Variants in RNF20 observed in about 807,000 individuals in gnomAD.
The protein encoded by RNF20 is ring finger protein 20.
Under a neutral mutation model 126.2 loss-of-function variants are expected in RNF20, and 84 were observed. The observed-to-expected ratio is 0.67, with a 90% CI of 0.56 to 0.80. The LOEUF is 0.80. Ranked by LOEUF, RNF20 falls within the 30% of genes least tolerant of loss-of-function variation. The pLI is 0.00. For synonymous variants in RNF20, 400 were observed against 414.3 expected (o/e 0.97, Z 0.42); for missense variants, 869 against 1,188.2 (o/e 0.73, Z 3.95).
Position 101,533,894 on chromosome 9 carries a change from G to A in RNF20, c.-47G>A, listed in dbSNP as rs1329144537. ...CCGCCGCGGGTCAGGGGTGAGAGCT[G>A]GAATCTCTGCACGGGCCTTGGTGAG... On this transcript the variant is annotated 5_prime_UTR_variant, in exon 1 of 20. Transcript: ENST00000389120. The A allele has an allele frequency of 1.3e-5, 2 of 152,334 alleles. No individual in the cohort carries two copies. The highest frequency in any genetic ancestry group is 2.4e-5 in the African/African-American group (1 of 41,442). 9.4% of individuals were successfully genotyped at this position (152,334 alleles called of 1,614,324 possible). A position where few individuals can be genotyped will look rare whatever the true frequency, so the allele number is the denominator to read the frequency against.
chr9:101,538,910 T>C (rs1027786134), intron 2 of RNF20, among the ~76,000 whole-genome samples: 2 of 152,186 alleles, frequency 1.3e-5, no homozygotes, highest in Non-Finnish European at 2.9e-5. Context: ...CCTCCCTGGT[T>C]TGTCCTAGGG....
At chr9:101,551,924 A>G (rs1827452819) in intron 11 of RNF20, 105 bp downstream of exon 11, 6 of 1,355,972 alleles carry the variant, frequency 4.4e-6, no homozygotes, top group East Asian at 2.3e-5. Flanking sequence ...CTCAGAAGTC[A>G]TAAGTACCTT....
At chr9:101,560,424 CAA>C (rs952325043) in intron 16 of RNF20, among the ~76,000 whole-genome samples, 13 of 152,038 alleles carry the variant, frequency 8.6e-5, no homozygotes, top group Middle Eastern at 6.8e-3. Context: ...GCATTAATTT[CAA>C]AAAAGACTCT....
chr9:101,561,430 C>T (rs934202660), intron 18 of RNF20, 200 bp downstream of exon 18: 3 of 528,334 alleles, frequency 5.7e-6, no homozygotes, highest in Non-Finnish European at 9.9e-6. Context: ...CTAGTAGGCA[C>T]AAAATAAATA....
At position 101,562,623 on chromosome 9, in the gene RNF20, T is replaced by C. The variant is rs1827645962; in HGVS notation, c.*201T>C. On this transcript the variant is annotated 3_prime_UTR_variant, in exon 20 of 20. Transcript: ENST00000389120. The stretch of plus-strand genomic sequence containing the variant: ...AGGACTGGTAAATACAAGCCTTGGG[T>C]TTCAGAATGAATTAGAAACAAATAA... 1 of 482,132 alleles carries C rather than the reference T, an allele frequency of 2.1e-6. No homozygotes were observed. Among genetic ancestry groups the C allele is most frequent in the Non-Finnish European group, 3.6e-6 (1 of 274,478 alleles). The allele number at this position is 482,132 out of a possible 1,614,324, so 29.9% of individuals were successfully genotyped here. A position where few individuals can be genotyped will look rare whatever the true frequency, so the allele number is the denominator to read the frequency against.
At chr9:101,551,617 A>ATTATTGATATATATTTTTCTCCTTT (rs1375256992) in intron 10 of RNF20, 67 bp from the exon 11 acceptor site, 18 of 1,386,284 alleles carry the variant, frequency 1.3e-5, no homozygotes, top group Admixed American at 9.7e-5. Flanking sequence ...AGAGTAATCC[A>ATTATTGATATATATTTTTCTCCTTT]TAGAATATGA....
chr9:101,561,108 C>T lies in RNF20; in HGVS notation c.2527C>T (p.Leu843Phe), dbSNP rs748789308. 3.1e-6 allele frequency: 5 copies of T among 1,613,806 alleles called. No homozygotes were observed. In the South Asian group the frequency reaches 4.4e-5, roughly 14 times the overall value. The change falls in exon 18 of 20, where the codon CTT (leucine) becomes TTT (phenylalanine). Residue 843 changes from leucine to phenylalanine, a missense_variant. Leu to Phe is a conservative substitution (Grantham distance 22). Around this residue, in one of 8 missense-constraint regions of RNF20, gnomAD observed 150 missense variants for 173.7 expected, o/e 0.86. Transcript: ENST00000389120. ...TACATAGGCAATGGAGGCAGCCCAGCTTGCAGATGACCTCAAAGCACAACT... is the reference window on the plus strand; with the variant it reads ...TACATAGGCAATGGAGGCAGCCCAGTTTGCAGATGACCTCAAAGCACAACT... ...NKRKAMEAAQ[L>F]ADDLKAQLEL...
chr9:101,551,890 A>G, intron 11 of RNF20, 71 bp downstream of exon 11: 2 of 1,489,412 alleles, frequency 1.3e-6, no homozygotes, highest in Non-Finnish European at 1.8e-6. Context: ...CACAGACCCC[A>G]GGGTTTGTTA....
chr9:101,554,216 T>C (rs925814153), intron 14 of RNF20, 111 bp downstream of exon 14: 5 of 628,556 alleles, frequency 8.0e-6, no homozygotes, highest in South Asian at 2.1e-5. Flanking sequence ...AATAAGTGTT[T>C]AAGTGCAACA....
chr9:101,538,916 T>C (rs1827221903), intron 2 of RNF20, among the ~76,000 whole-genome samples: 1 of 152,168 alleles, frequency 6.6e-6, no homozygotes, highest in African/African-American at 2.4e-5. Context: ...TGGTTTGTCC[T>C]AGGGAAGGAG....
In RNF20 at chr9:101,557,574, A is replaced by G; in HGVS notation, c.2360A>G (p.Gln787Arg). ...LKEEKEELADQVLTLKTQVDA... is the reference protein window; with the variant it reads ...LKEEKEELADRVLTLKTQVDA... ...GAAGAGAAGGAGGAGCTGGCAGACC[A>G]GGTGTTGACTCTGAAGACTCAGGTA... is the stretch of plus-strand genomic sequence containing the variant. Residue 787 changes from glutamine (Q) to arginine (R), a missense_variant, in exon 16 of 20, where the codon CAG becomes CGG. By Grantham distance (43) the Gln-to-Arg change is conservative. This residue lies in a region of RNF20 where 150 missense variants were observed against 173.7 expected (regional missense o/e 0.86). Transcript: ENST00000389120. The G allele has an allele frequency of 6.2e-7, 1 of 1,613,812 alleles. No homozygotes were observed. The highest frequency in any genetic ancestry group is 8.5e-7 in the Non-Finnish European group (1 of 1,179,740).
At chr9:101,546,134 A>G (rs1214249632) in intron 6 of RNF20, among the ~76,000 whole-genome samples, 1 of 152,190 alleles carries the variant, frequency 6.6e-6, no homozygotes, top group Non-Finnish European at 1.5e-5. Context: ...GGGAACAAAG[A>G]TCCCACCTCT....
rs1414781370 is a variant in RNF20 at position 101,552,396 on chromosome 9, G to T, written c.1544G>T (p.Ser515Ile). ...QSDLNKTRLRSGSALLQSQSS... is the reference protein window; with the variant it reads ...QSDLNKTRLRIGSALLQSQSS... The stretch of plus-strand genomic sequence containing the variant: ...TTATTCTCCCAGACACGCCTGCGTA[G>T]TGGTAGTGCCCTCCTGCAGTCCCAG... Residue 515 changes from serine to isoleucine, a missense_variant, in exon 13 of 20, where the codon AGT (serine) becomes ATT (isoleucine). This residue lies in a region of RNF20 where 231 missense variants were observed against 263.6 expected (regional missense o/e 0.88). Transcript: ENST00000389120. 5 of 1,605,512 alleles carry T rather than the reference G, an allele frequency of 3.1e-6. No individual in the cohort carries two copies. In the South Asian group the frequency reaches 4.4e-5, roughly 14 times the overall value.
chr9:101,543,609 C>T (rs867515060), intron 5 of RNF20, among the ~76,000 whole-genome samples: 17 of 152,226 alleles, frequency 1.1e-4, no homozygotes, highest in South Asian at 4.1e-4. Context: ...CCTGCCAGGG[C>T]GGCACTGTCT....
chr9:101,537,770 C>T (rs1381079827), intron 2 of RNF20, among the ~76,000 whole-genome samples: 2 of 152,122 alleles, frequency 1.3e-5, no homozygotes, highest in Non-Finnish European at 2.9e-5. Context: ...GATGTGTTCT[C>T]ATTCAGGTTT....
chr9:101,546,759 ATAT>A, intron 6 of RNF20, 58 bp from the exon 7 acceptor site: 1 of 1,567,222 alleles, frequency 6.4e-7, no homozygotes, highest in Non-Finnish European at 8.8e-7. Context: ...GCAAGGGTTA[ATAT>A]TATGGAATTT....
intron 9 of RNF20, 81 bp downstream of exon 9, chr9:101,547,599 T>C: frequency 6.7e-7 from 1 of 1,490,826 alleles, no homozygotes; most frequent in Non-Finnish European, 9.2e-7. Context: ...TGAATCTGCG[T>C]ATTCATGAGG....
rs1368402936 is a variant in RNF20 at position 101,551,699 on chromosome 9, C to T, written c.1288C>T (p.Leu430Phe). 4 of 1,467,388 alleles carry T rather than the reference C, an allele frequency of 2.7e-6. No homozygotes were observed. Among genetic ancestry groups the T allele is most frequent in the Admixed American group, 2.0e-5 (1 of 50,430 alleles). 90.9% of individuals were successfully genotyped at this position (1,467,388 alleles called of 1,614,324 possible). The change falls in exon 11 of 20, where the codon CTT (leucine) becomes TTT (phenylalanine). Residue 430 changes from leucine to phenylalanine, a missense_variant. Leu to Phe is a conservative substitution (Grantham distance 22). Around this residue, in one of 8 missense-constraint regions of RNF20, gnomAD observed 153 missense variants for 226.4 expected, o/e 0.68. Transcript: ENST00000389120. ...VELIERDEVS[L>F]HKKLRTEVIQ... ...CTGTGTGTAGCGAGATGAGGTTAGT[C>T]TTCATAAGAAGCTGAGGACTGAAGT...
chr9:101,549,026 G>T (rs974376114), intron 9 of RNF20, among the ~76,000 whole-genome samples: 1 of 152,190 alleles, frequency 6.6e-6, no homozygotes, highest in Non-Finnish European at 1.5e-5. Context: ...TTCTTAGGTT[G>T]TTAGTGTAGG....
Sources: gnomAD v4.1 joint callset for allele counts (sites outside exome capture counted in the v4.1 genomes callset) on GRCh38, gnomAD v4.1.1 for gene constraint, gnomAD v4.1.1 regional missense constraint, MANE v1.5 for transcripts, NCBI Gene and HGNC (gene_info 2026-07-23, HGNC 2026-07-21) for gene names.